Variants in MCTP2 observed in about 807,000 individuals in gnomAD.
The protein encoded by MCTP2 is multiple C2 and transmembrane domain-containing protein 2.
Under a neutral mutation model 111.6 loss-of-function variants are expected in MCTP2, and 132 were observed. The ratio of observed to expected loss-of-function variants is 1.18; its 90% CI spans 1.03 to 1.37. MCTP2 has a LOEUF of 1.37. MCTP2 is among the 40% of genes most tolerant of loss of function. The probability of loss-of-function intolerance (pLI) is 0.00; values close to 1 mark genes in which losing one functional copy is unlikely to be tolerated. For missense variants in MCTP2, 1,183 were observed against 1,067.9 expected, an observed-to-expected ratio of 1.11 and a Z score of -1.50; for synonymous variants, 395 against 387.7, an observed-to-expected ratio of 1.02 and a Z score of -0.22.
At chr15:94,302,644 A>G (rs2075677616) in intron 2 of MCTP2, among the ~76,000 whole-genome samples, 2 of 152,184 alleles carry the variant, frequency 1.3e-5, no homozygotes, top group Admixed American at 1.3e-4. Context: ...ACTTGTTTTG[A>G]CAGAATTCAG....
At chr15:94,234,990 G>A (rs565102482) in intron 1 of MCTP2, among the ~76,000 whole-genome samples, 5 of 152,240 alleles carry the variant, frequency 3.3e-5, no homozygotes, top group South Asian at 2.1e-4. Context: ...AGTGGCTCAC[G>A]CCTGTAATCC....
intron 4 of MCTP2, among the ~76,000 whole-genome samples, chr15:94,324,092 T>G (rs2076743492): frequency 6.6e-6 from 1 of 152,182 alleles, no homozygotes; most frequent in Non-Finnish European, 1.5e-5. Flanking sequence ...TCCAACTGCT[T>G]CATGATTTGG....
intron 12 of MCTP2, among the ~76,000 whole-genome samples, chr15:94,371,577 A>T (rs1185328598): frequency 6.6e-6 from 1 of 152,216 alleles, no homozygotes; most frequent in Non-Finnish European, 1.5e-5. Flanking sequence ...CATTTAAAAA[A>T]ATTCTTTCTG....
At chr15:94,443,461 CT>C (rs1372738610) in intron 19 of MCTP2, among the ~76,000 whole-genome samples, 1 of 152,296 alleles carries the variant, frequency 6.6e-6, no homozygotes, top group Non-Finnish European at 1.5e-5. Flanking sequence ...TGTCATTACG[CT>C]TTCAGACAAA....
chr15:94,312,788 C>T (rs2152359636), intron 2 of MCTP2, among the ~76,000 whole-genome samples: 2 of 152,314 alleles, frequency 1.3e-5, no homozygotes, highest in South Asian at 4.1e-4. Flanking sequence ...TCACTGCATG[C>T]AGAGGCAGTG....
rs1454652219 is a variant in MCTP2, at chr15:94,476,766, C to A, written c.2541C>A (p.Leu847=). 1.2e-6 allele frequency: 2 copies of A among 1,604,674 alleles called. No individual in the cohort carries two copies. The highest frequency in any genetic ancestry group is 1.7e-6 in the Non-Finnish European group (2 of 1,171,594). ...ACAATAATGAGCTACTAGACTTCCTCTCTAGGGTACCGTCTGATGTTCAAA... is the reference window on the plus strand; with the variant it reads ...ACAATAATGAGCTACTAGACTTCCTATCTAGGGTACCGTCTGATGTTCAAA... ...SIDNNELLDF[L]SRVPSDVQKV... Residue 847 remains leucine, a synonymous_variant, in exon 22 of 23, where the codon CTC becomes CTA. Coordinates refer to ENST00000357742, the MANE Select transcript of MCTP2 (RefSeq NM_001385001.1).
At chr15:94,318,481 G>A (rs552454935) in intron 4 of MCTP2, among the ~76,000 whole-genome samples, 13 of 151,890 alleles carry the variant, frequency 8.6e-5, no homozygotes, top group South Asian at 6.2e-4. Context: ...ACGGAGTTTC[G>A]CCAGGCTGGT....
Position 94,465,449 on chromosome 15 carries a change from T to C in MCTP2, c.2361-4884T>C, listed in dbSNP as rs577249212. Among the ~76,000 whole-genome samples the C allele has an allele frequency of 2.0e-5, 3 of 152,276 alleles. No homozygotes were observed. The East Asian group carries it at 5.8e-4, about 29-fold the overall frequency. On this transcript the variant is annotated intron_variant, in intron 20 of 22. Coordinates refer to ENST00000357742, the MANE Select transcript of MCTP2 (RefSeq NM_001385001.1). The stretch of plus-strand genomic sequence containing the variant: ...AAATAGAACAATTATGGTAAGATAA[T>C]GTAATAAAAGTTATGTGAATGTGGT...
chr15:94,243,809 A>ACG (rs1491501557), intron 1 of MCTP2, among the ~76,000 whole-genome samples: 1 of 148,410 alleles, frequency 6.7e-6, no homozygotes, highest in Non-Finnish European at 1.5e-5. Context: ...ATGCGTATAT[A>ACG]CATATATGTA....
At chr15:94,460,503 C>T (rs1301677713) in intron 20 of MCTP2, among the ~76,000 whole-genome samples, 1 of 152,142 alleles carries the variant, frequency 6.6e-6, no homozygotes, top group African/African-American at 2.4e-5. Context: ...CACGTATTGA[C>T]AGCAAGGAGG....
chr15:94,331,398 C>G (rs1170259907), intron 4 of MCTP2, among the ~76,000 whole-genome samples: 2 of 151,412 alleles, frequency 1.3e-5, no homozygotes, highest in African/African-American at 4.9e-5. Context: ...CAGAAAAAGA[C>G]AAGATGTTAG....
At chr15:94,418,511 T>C (rs990788102) in intron 17 of MCTP2, among the ~76,000 whole-genome samples, 12 of 152,176 alleles carry the variant, frequency 7.9e-5, no homozygotes, top group Non-Finnish European at 1.6e-4. Context: ...AGAAATTTAT[T>C]GTCTGATTCT....
At chr15:94,415,626 G>A (rs190006218) in intron 17 of MCTP2, among the ~76,000 whole-genome samples, 8 of 152,012 alleles carry the variant, frequency 5.3e-5, no homozygotes, top group Admixed American at 3.9e-4. Flanking sequence ...GATTCCCTCG[G>A]TGCGTCCCCC....
At chr15:94,281,725 A>G (rs1045504814) in intron 1 of MCTP2, among the ~76,000 whole-genome samples, 14 of 152,088 alleles carry the variant, frequency 9.2e-5, no homozygotes, top group Admixed American at 2.6e-4. Context: ...TAGCATTCCC[A>G]TAAGGACCTC....
chr15:94,373,572 T>C (rs759321961), intron 12 of MCTP2, among the ~76,000 whole-genome samples: 3 of 152,226 alleles, frequency 2.0e-5, no homozygotes, highest in Non-Finnish European at 2.9e-5. Context: ...TTAATACATT[T>C]AAATGTATAT....
intron 1 of MCTP2, among the ~76,000 whole-genome samples, chr15:94,266,093 C>CAT (rs2073511695): frequency 6.6e-6 from 1 of 150,544 alleles, no homozygotes; most frequent in South Asian, 2.1e-4. Context: ...CACACACACA[C>CAT]ACGTGCTCTA....
intron 18 of MCTP2, 78 bp downstream of exon 18, chr15:94,440,376 T>C: frequency 6.3e-7 from 1 of 1,576,090 alleles, no homozygotes; most frequent in Non-Finnish European, 8.6e-7. Context: ...CACCAAATCA[T>C]GGCCCAAGTC....
chr15:94,420,791 T>G (rs2082589999), intron 17 of MCTP2, among the ~76,000 whole-genome samples: 1 of 152,178 alleles, frequency 6.6e-6, no homozygotes, highest in Non-Finnish European at 1.5e-5. Context: ...AACAAATGAC[T>G]TAGAATATTC....
At chr15:94,257,938 G>T (rs574667566) in intron 1 of MCTP2, among the ~76,000 whole-genome samples, 2 of 151,252 alleles carry the variant, frequency 1.3e-5, no homozygotes, top group South Asian at 4.2e-4. Context: ...GGGGTGCAGT[G>T]GTGCGATCTT....
Sources: gnomAD v4.1 joint callset for allele counts (sites outside exome capture counted in the v4.1 genomes callset) on GRCh38, gnomAD v4.1.1 for gene constraint, MANE v1.5 for transcripts, NCBI Gene and HGNC (gene_info 2026-07-23, HGNC 2026-07-21) for gene names.